SMC3: variants seen among roughly 807,000 people sequenced by gnomAD.
SMC3 encodes the protein structural maintenance of chromosomes 3, also known as structural maintenance of chromosomes protein 3.
Under a neutral mutation model 171.8 loss-of-function variants are expected in SMC3, and 20 were observed. That is an observed-to-expected ratio of 0.12 (90% confidence interval 0.08 to 0.17). The LOEUF (loss-of-function observed/expected upper bound fraction) is 0.17, where lower values mean the gene tolerates loss of function less well. SMC3 is among the 10% of genes least tolerant of loss of function. The pLI is 1.00. For missense variants in SMC3, 543 were observed against 1,420.4 expected, an observed-to-expected ratio of 0.38 and a Z score of 9.93; for synonymous variants, 464 against 451.1, an observed-to-expected ratio of 1.03 and a Z score of -0.36.
intron 4 of SMC3, among the ~76,000 whole-genome samples, chr10:110,575,710 T>C: frequency 6.6e-6 from 1 of 152,220 alleles, no homozygotes; most frequent in East Asian, 1.9e-4. Flanking sequence ...CTGTGAAATT[T>C]AGCCTAACAT....
chr10:110,590,923 A>G (rs1861195644), intron 16 of SMC3, 68 bp from the exon 17 acceptor site: 2 of 1,444,798 alleles, frequency 1.4e-6, no homozygotes, highest in Non-Finnish European at 1.9e-6. Context: ...GGGAGGATTG[A>G]TAAGTTTGGG....
chr10:110,599,161 G>A (rs1861347739), intron 20 of SMC3, among the ~76,000 whole-genome samples: 1 of 152,110 alleles, frequency 6.6e-6, no homozygotes, highest in African/African-American at 2.4e-5. Context: ...GCAATGGCGT[G>A]ATCTCGGCTT....
intron 13 of SMC3, among the ~76,000 whole-genome samples, chr10:110,587,703 AAAAG>A (rs1200574404): frequency 4.6e-5 from 7 of 152,048 alleles, no homozygotes; most frequent in African/African-American, 7.2e-5. Context: ...AAAAAAAAAA[AAAAG>A]AAATATTGTA....
chr10:110,602,632 A>G lies in SMC3; in HGVS notation c.3264A>G (p.Pro1088=). ...GTTCTGGCTCACAAAGCAGTGTCCC[A>G]TCAGTTGACCAGTTTACTGGAGTTG... The part of the protein sequence containing the change: ...ERGSGSQSSV[P]SVDQFTGVGI... Residue 1088 remains proline (P), a synonymous_variant, in exon 26 of 29, where the codon CCA becomes CCG. Coordinates refer to ENST00000361804, the MANE Select transcript of SMC3 (RefSeq NM_005445.4). The G allele has an allele frequency of 6.2e-7, 1 of 1,614,150 alleles. No homozygotes were observed. The highest frequency in any genetic ancestry group is 8.5e-7 in the Non-Finnish European group (1 of 1,179,996).
chr10:110,575,839 TA>T (rs1441264918), intron 4 of SMC3, among the ~76,000 whole-genome samples: 1 of 152,200 alleles, frequency 6.6e-6, no homozygotes, highest in African/African-American at 2.4e-5. Flanking sequence ...TGCAAAGGCT[TA>T]AGAAGCAGGT....
chr10:110,571,202 C>G (rs1255470332), intron 2 of SMC3, among the ~76,000 whole-genome samples: 1 of 152,182 alleles, frequency 6.6e-6, no homozygotes, highest in African/African-American at 2.4e-5. Context: ...GATAACCATT[C>G]TTAATAATAA....
At chr10:110,577,290 G>GTA (rs1484205885) in intron 4 of SMC3, 131 bp from the exon 5 acceptor site, 4 of 706,138 alleles carry the variant, frequency 5.7e-6, no homozygotes, top group Non-Finnish European at 5.2e-6. Flanking sequence ...GTGTGTGTGT[G>GTA]TATATATGAA....
rs1037378329 is a variant in SMC3 at position 110,605,741 on chromosome 10, T to C, written c.*1439T>C. On this transcript the variant is annotated 3_prime_UTR_variant, in exon 29 of 29. Coordinates refer to ENST00000361804, the MANE Select transcript of SMC3 (RefSeq NM_005445.4). ...CAAAGGGTTACGTAACTATAATATC[T>C]TTCTAATATTTCTACCATTTTTCTT... 3.9e-5 allele frequency among the ~76,000 whole-genome samples: 6 copies of C among 152,160 alleles called. No homozygotes were observed. Among genetic ancestry groups the C allele is most frequent in the African/African-American group, 1.2e-4 (5 of 41,452 alleles).
Position 110,601,006 on chromosome 10 carries a change from G to A in SMC3, c.2536-16G>A, listed in dbSNP as rs201898708. ...ATAACATTTGAAACTAATGGAATTT[G>A]TATTTTTTGTTACAGGAACTTAATG... On this transcript the variant is annotated splice_polypyrimidine_tract_variant and intron_variant, in intron 22 of 28. Coordinates refer to ENST00000361804, the MANE Select transcript of SMC3 (RefSeq NM_005445.4). 2 of 1,584,702 alleles carry A rather than the reference G, an allele frequency of 1.3e-6. No individual in the cohort carries two copies. The highest frequency in any genetic ancestry group is 1.1e-5 in the South Asian group (1 of 90,394).
intron 1 of SMC3, 71 bp from the exon 2 acceptor site, chr10:110,568,863 CAAGA>C (rs1213476726): frequency 8.0e-6 from 6 of 752,356 alleles, no homozygotes; most frequent in Middle Eastern, 2.7e-4. Flanking sequence ...AAATGAAAAA[CAAGA>C]AAGAAATGCA....
At chr10:110,575,448 T>A in intron 4 of SMC3, 45 bp downstream of exon 4, 1 of 1,363,664 alleles carries the variant, frequency 7.3e-7, no homozygotes, top group South Asian at 1.2e-5. Flanking sequence ...ACATATATTT[T>A]AAAAATAAAT....
intron 8 of SMC3, among the ~76,000 whole-genome samples, chr10:110,581,459 T>A (rs1174943473): frequency 6.6e-6 from 1 of 152,070 alleles, no homozygotes; most frequent in Non-Finnish European, 1.5e-5. Flanking sequence ...CTTCAGATGA[T>A]CCACCTGCCT....
At chr10:110,569,693 C>A (rs1336224948) in intron 2 of SMC3, among the ~76,000 whole-genome samples, 1 of 152,010 alleles carries the variant, frequency 6.6e-6, no homozygotes, top group Non-Finnish European at 1.5e-5. Context: ...TCAGTTTTCT[C>A]ATTTGTAAAG....
chr10:110,584,064 T>C (rs565911499), intron 12 of SMC3, 102 bp downstream of exon 12: 1 of 1,533,522 alleles, frequency 6.5e-7, no homozygotes, highest in South Asian at 1.1e-5. Context: ...TTACACTTAA[T>C]TCTTTTTGTA....
In SMC3 at chr10:110,601,727, T is replaced by C; in HGVS notation, c.2735T>C (p.Met912Thr). The C allele has an allele frequency of 6.2e-7, 1 of 1,613,548 alleles. No individual in the cohort carries two copies. The highest frequency in any genetic ancestry group is 8.5e-7 in the Non-Finnish European group (1 of 1,179,768). Residue 912 changes from methionine to threonine, a missense_variant, in exon 24 of 29, where the codon ATG (methionine) becomes ACG (threonine). Coordinates refer to ENST00000361804, the MANE Select transcript of SMC3 (RefSeq NM_005445.4). ...ERWKNMEKEH[M>T]DAINHDTKEL... ...TGGAAAAATATGGAAAAAGAACATA[T>C]GGATGCTATAAATCATGATACTAAA...
At chr10:110,584,485 A>G in intron 13 of SMC3, 89 bp downstream of exon 13, 1 of 884,364 alleles carries the variant, frequency 1.1e-6, no homozygotes, top group Non-Finnish European at 1.8e-6. Flanking sequence ...TTTTTAAATA[A>G]GTCTACATGT....
intron 18 of SMC3, among the ~76,000 whole-genome samples, chr10:110,594,990 C>A (rs918606413): frequency 1.4e-5 from 2 of 143,008 alleles, no homozygotes; most frequent in African/African-American, 5.6e-5. Flanking sequence ...AGTGTCTTCT[C>A]TTTATTTTTT....
At chr10:110,602,327 T>C (rs1007793773) in intron 25 of SMC3, 147 bp from the exon 26 acceptor site, 65 of 950,758 alleles carry the variant, frequency 6.8e-5, no homozygotes, top group Middle Eastern at 3.2e-4. Flanking sequence ...TACAGTAACT[T>C]GAATGTTTTA....
rs143042412 is a variant in SMC3 at position 110,595,353 on chromosome 10, T to C, written c.1964-1045T>C. ...AGAGAAATCCAGAAAAGTTCCATTT[T>C]CTGGATTTGTCTTATTGCTTCCTCA... On this transcript the variant is annotated intron_variant, in intron 18 of 28. Transcript: ENST00000361804. Among the ~76,000 whole-genome samples the C allele has an allele frequency of 3.3e-3, 501 of 152,346 alleles. 1 individual carries two copies. Among genetic ancestry groups the C allele is most frequent in the African/African-American group, 0.011 (473 of 41,592 alleles).
Sources: gnomAD v4.1 joint callset for allele counts (sites outside exome capture counted in the v4.1 genomes callset) on GRCh38, gnomAD v4.1.1 for gene constraint, MANE v1.5 for transcripts, NCBI Gene and HGNC (gene_info 2026-07-23, HGNC 2026-07-21) for gene names.